Variants in ROBO2 observed in about 807,000 individuals in gnomAD.
ROBO2 encodes roundabout guidance receptor 2.
In ROBO2, 53 loss-of-function variants were observed where a neutral mutation model predicts 160.8. The observed-to-expected ratio is 0.33, with a 90% CI of 0.26 to 0.41. ROBO2 has a LOEUF of 0.41. Among genes scored for constraint, ROBO2 ranks in the 10% least tolerant of loss-of-function variants. ROBO2 has a pLI of 1.00. For synonymous variants in ROBO2, 664 were observed against 611.7 expected (o/e 1.09, Z -1.26); for missense variants, 1,577 against 1,722.4 (o/e 0.92, Z 1.49).
intron 2 of ROBO2, among the ~76,000 whole-genome samples, chr3:77,275,864 TG>T (rs1201407561): frequency 2.0e-5 from 3 of 152,198 alleles, no homozygotes; most frequent in Non-Finnish European, 4.4e-5. Flanking sequence ...GGTGTTGTAT[TG>T]CAAGGGTGAT....
At chr3:75,923,113 C>T (rs1273886978) in intron 1 of ROBO2, among the ~76,000 whole-genome samples, 1 of 152,122 alleles carries the variant, frequency 6.6e-6, no homozygotes, top group African/African-American at 2.4e-5. Flanking sequence ...TTAAGTAGTT[C>T]CTATGGCCTT....
chr3:77,307,336 G>A (rs2875419), intron 2 of ROBO2, among the ~76,000 whole-genome samples: 15,222 of 152,136 alleles, frequency 0.1, 973 homozygotes, highest in East Asian at 0.34. Flanking sequence ...ATTAGATAAT[G>A]TTTTCTAGAA....
At chr3:76,215,413 A>C (rs1450635814) in intron 2 of ROBO2, among the ~76,000 whole-genome samples, 6 of 152,182 alleles carry the variant, frequency 3.9e-5, no homozygotes, top group Non-Finnish European at 7.3e-5. Context: ...AAACTTTGAA[A>C]AAAAATTAGA....
At chr3:75,987,267 A>C (rs1393336032) in intron 2 of ROBO2, among the ~76,000 whole-genome samples, 1 of 151,978 alleles carries the variant, frequency 6.6e-6, no homozygotes, top group Non-Finnish European at 1.5e-5. Context: ...ATCCCTGGCT[A>C]AGTTAATTAC....
At chr3:77,564,885 T>C (rs944507505) in intron 11 of ROBO2, 69 bp from the exon 13 acceptor site, 43 of 1,436,040 alleles carry the variant, frequency 3.0e-5, no homozygotes, top group Middle Eastern at 3.5e-4. Context: ...ACCTTTGTCA[T>C]TGATACCCAA....
At position 77,033,336 on chromosome 3, in the gene ROBO2, A is replaced by T. The variant is rs200229189; in HGVS notation, c.110-64678A>T. ...TTTCCTGATGACAAGTGAATGGTTT[A>T]CTTAAGAACACTGTGAAATCTCCTA... On this transcript the variant is annotated intron_variant, in intron 2 of 26. Transcript: ENST00000487694. Among the ~76,000 whole-genome samples the T allele has an allele frequency of 3.3e-5, 5 of 152,316 alleles. No homozygotes were observed. The East Asian group carries it at 9.7e-4, about 29-fold the overall frequency.
intron 2 of ROBO2, among the ~76,000 whole-genome samples, chr3:76,464,435 C>T (rs1228103097): frequency 1.3e-5 from 2 of 152,098 alleles, no homozygotes; most frequent in Admixed American, 6.6e-5. Context: ...TAGCTTCCTT[C>T]GTCTTTTCTT....
At chr3:77,144,288 T>C (rs1430287479) in intron 2 of ROBO2, among the ~76,000 whole-genome samples, 1 of 152,226 alleles carries the variant, frequency 6.6e-6, no homozygotes, top group African/African-American at 2.4e-5. Context: ...TCCTAATACC[T>C]TTACCTACCT....
intron 2 of ROBO2, among the ~76,000 whole-genome samples, chr3:76,018,510 A>G (rs558978003): frequency 3.3e-5 from 5 of 151,744 alleles, no homozygotes; most frequent in African/African-American, 9.7e-5. Flanking sequence ...TTTCCCTAAT[A>G]TCTTAAGTTA....
intron 19 of ROBO2, among the ~76,000 whole-genome samples, chr3:77,600,902 AAT>A (rs1159286683): frequency 3.3e-5 from 5 of 152,176 alleles, no homozygotes; most frequent in African/African-American, 1.2e-4. Context: ...AACCTGGTGA[AAT>A]ATGATAAGTT....
intron 1 of ROBO2, among the ~76,000 whole-genome samples, chr3:77,094,663 C>A (rs7621462): frequency 6.6e-6 from 1 of 152,086 alleles, no homozygotes; most frequent in Non-Finnish European, 1.5e-5. Flanking sequence ...ATGGATGAGG[C>A]TTTCAGTTTT....
At chr3:76,041,978 G>A (rs569797653) in intron 2 of ROBO2, among the ~76,000 whole-genome samples, 1 of 144,398 alleles carries the variant, frequency 6.9e-6, no homozygotes, top group Non-Finnish European at 1.5e-5. Context: ...GTGTGTGACA[G>A]AGAGTGAGAG....
intron 2 of ROBO2, among the ~76,000 whole-genome samples, chr3:76,318,758 T>C (rs2072261377): frequency 6.6e-6 from 1 of 152,086 alleles, no homozygotes; most frequent in South Asian, 2.1e-4. Context: ...AGTTTTCAAA[T>C]TCAACCTTCA....
intron 2 of ROBO2, among the ~76,000 whole-genome samples, chr3:76,464,462 C>T (rs2078257686): frequency 6.6e-6 from 1 of 152,042 alleles, no homozygotes; most frequent in Admixed American, 6.6e-5. Flanking sequence ...AATCCTACCC[C>T]TAAGGATCAC....
intron 2 of ROBO2, among the ~76,000 whole-genome samples, chr3:77,381,147 C>G (rs1560677333): frequency 6.6e-6 from 1 of 152,178 alleles, no homozygotes. Flanking sequence ...AACCCCGTCT[C>G]TACTAAAAAT....
chr3:76,738,262 A>G (rs1175554520), intron 2 of ROBO2, among the ~76,000 whole-genome samples: 2 of 152,194 alleles, frequency 1.3e-5, no homozygotes, highest in Non-Finnish European at 2.9e-5. Context: ...AAGGCCTGAT[A>G]CTCATTAGGC....
At chr3:76,863,795 C>T (rs967845853) in intron 2 of ROBO2, among the ~76,000 whole-genome samples, 1 of 151,996 alleles carries the variant, frequency 6.6e-6, no homozygotes, top group East Asian at 1.9e-4. Flanking sequence ...ATAACTACCC[C>T]CTACCAGTTA....
chr3:76,084,973 T>C (rs2068956905), intron 2 of ROBO2, among the ~76,000 whole-genome samples: 1 of 152,138 alleles, frequency 6.6e-6, no homozygotes, highest in South Asian at 2.1e-4. Context: ...AGGTAATATT[T>C]AGGCTTTTTA....
chr3:76,162,513 A>G (rs1448025128), intron 2 of ROBO2, among the ~76,000 whole-genome samples: 1 of 151,974 alleles, frequency 6.6e-6, no homozygotes, highest in Non-Finnish European at 1.5e-5. Context: ...GAGTCTCCGT[A>G]TGTTGCCCAG....
Sources: allele counts gnomAD v4.1 joint callset (sites outside exome capture counted in the v4.1 genomes callset), GRCh38; gene constraint gnomAD v4.1.1; transcripts MANE v1.5; gene names NCBI Gene and HGNC (gene_info 2026-07-23, HGNC 2026-07-21).